SORL1: variants seen among roughly 807,000 people sequenced by gnomAD.
The protein encoded by SORL1 is sortilin related receptor 1.
In SORL1, 127 loss-of-function variants were observed where a neutral mutation model predicts 273.7. That is an observed-to-expected ratio of 0.46 (90% CI 0.40 to 0.54). SORL1 has a LOEUF of 0.54. Ranked by LOEUF, SORL1 falls within the 20% of genes least tolerant of loss-of-function variation. The pLI is 0.00. For missense variants in SORL1, 2,494 were observed against 2,846.1 expected (o/e 0.88, Z 2.81); for synonymous variants, 1,031 against 1,067.4 (o/e 0.97, Z 0.66).
chr11:121,593,603 G>A (rs1193761159), intron 31 of SORL1, among the ~76,000 whole-genome samples: 1 of 152,016 alleles, frequency 6.6e-6, no homozygotes, highest in Non-Finnish European at 1.5e-5. Flanking sequence ...CTTGTGTGTT[G>A]CTTTTTCTTG....
chr11:121,533,129 C>A (rs1310974407), intron 12 of SORL1, among the ~76,000 whole-genome samples: 1 of 151,982 alleles, frequency 6.6e-6, no homozygotes, highest in Non-Finnish European at 1.5e-5. Context: ...TGCTTTGTGT[C>A]TTTATTACAT....
At chr11:121,473,412 T>C (rs1254772145) in intron 2 of SORL1, among the ~76,000 whole-genome samples, 2 of 152,240 alleles carry the variant, frequency 1.3e-5, no homozygotes, top group African/African-American at 2.4e-5. Flanking sequence ...AGAGAACGGC[T>C]CCTGCAGGAC....
chr11:121,532,396 C>T, intron 11 of SORL1, 68 bp from the exon 12 acceptor site: 2 of 1,390,458 alleles, frequency 1.4e-6, no homozygotes, highest in Non-Finnish European at 2.0e-6. Context: ...TGCCTGTGGG[C>T]ATGTGTACAT....
intron 12 of SORL1, 32 bp from the exon 13 acceptor site, chr11:121,543,516 C>T: frequency 6.4e-7 from 1 of 1,566,166 alleles, no homozygotes; most frequent in Non-Finnish European, 8.8e-7. Flanking sequence ...GAGACTTTCA[C>T]TGCAAGGATT....
At chr11:121,478,819 C>T (rs1203502400) in intron 3 of SORL1, among the ~76,000 whole-genome samples, 12 of 148,844 alleles carry the variant, frequency 8.1e-5, no homozygotes, top group Non-Finnish European at 1.3e-4. Flanking sequence ...TGCTTGTGTG[C>T]GTGTAGTTAC....
At chr11:121,569,972 G>A (rs546063820) in intron 22 of SORL1, among the ~76,000 whole-genome samples, 185 bp from the exon 23 acceptor site, 38 of 152,110 alleles carry the variant, frequency 2.5e-4, no homozygotes, top group African/African-American at 8.9e-4. Context: ...TCTCAGACCG[G>A]CCGACACTTA....
At chr11:121,488,306 C>T in intron 4 of SORL1, 113 bp downstream of exon 4, 3 of 1,057,494 alleles carry the variant, frequency 2.8e-6, no homozygotes, top group Non-Finnish European at 4.2e-6. Flanking sequence ...CTCCTTCTCT[C>T]TTGGGCCTAG....
intron 3 of SORL1, among the ~76,000 whole-genome samples, chr11:121,486,760 C>T (rs939015952): frequency 1.3e-5 from 2 of 151,932 alleles, no homozygotes; most frequent in Non-Finnish European, 2.9e-5. Context: ...ATTACAGCCG[C>T]GAGCCACTGC....
Position 121,554,588 on chromosome 11 carries a change from A to G in SORL1, c.2439+479A>G, listed in dbSNP as rs1862550806. On this transcript the variant is annotated intron_variant, in intron 17 of 47. Transcript: ENST00000260197. This position sits in a 1 kb window ranked among gnomAD's most constrained non-coding sequence, Gnocchi z 4.6. ...GGTGGATAGCCATACGCTCACACCCATGCATTTAAAGGAGAGCTCTTTGAT... is the reference window on the plus strand; with the variant it reads ...GGTGGATAGCCATACGCTCACACCCGTGCATTTAAAGGAGAGCTCTTTGAT... Among the ~76,000 whole-genome samples the G allele has an allele frequency of 6.6e-6, 1 of 152,236 alleles. No homozygotes were observed. Among genetic ancestry groups the G allele is most frequent in the Admixed American group, 6.5e-5 (1 of 15,286 alleles).
Position 121,532,558 on chromosome 11 carries a change from T to A in SORL1, c.1685+6T>A. ...ATGGAAACCAACGAGCTAAAGTAAGTGTCTCTGATGAGGCCTTTTAACATC... is the reference window on the plus strand; with the variant it reads ...ATGGAAACCAACGAGCTAAAGTAAGAGTCTCTGATGAGGCCTTTTAACATC... On this transcript the variant is annotated splice_donor_region_variant and intron_variant, in intron 12 of 47. Coordinates refer to ENST00000260197, the MANE Select transcript of SORL1 (RefSeq NM_003105.6). 1 of 1,612,538 alleles carries A rather than the reference T, an allele frequency of 6.2e-7. No individual in the cohort carries two copies. Among genetic ancestry groups the A allele is most frequent in the Non-Finnish European group, 8.5e-7 (1 of 1,178,566 alleles).
chr11:121,614,613 A>G (rs1027281641), intron 40 of SORL1: 2 of 374,228 alleles, frequency 5.3e-6, no homozygotes, highest in Non-Finnish European at 9.5e-6. Flanking sequence ...AATGGCTTCC[A>G]GGAGCGTTGT....
intron 1 of SORL1, among the ~76,000 whole-genome samples, chr11:121,453,455 A>G (rs1390502696): frequency 2.6e-5 from 4 of 152,158 alleles, no homozygotes; most frequent in Admixed American, 6.5e-5. Context: ...AATTAATTTG[A>G]CCGTGTTATT....
Position 121,611,156 on chromosome 11 carries a change from A to T in SORL1, c.5320A>T (p.Lys1774Ter), listed in dbSNP as rs1320230181. ...SFTLTMESDI[K>*]VNGYVVNLFW... ...CACCCTGACCATGGAGAGTGATATC[A>T]AGGTAATGTGGGAATTTCAAGCCAG... The change falls in exon 39 of 48, where the codon AAG (lysine) becomes TAG (stop). Residue 1774 changes from lysine (K) to a stop codon, truncating the protein, a stop_gained and splice_region_variant. Coordinates refer to ENST00000260197, the MANE Select transcript of SORL1 (RefSeq NM_003105.6). LOFTEE classifies it high-confidence loss of function. 1 of 1,604,580 alleles carries T rather than the reference A, an allele frequency of 6.2e-7. No homozygotes were observed.
intron 24 of SORL1, among the ~76,000 whole-genome samples, chr11:121,575,385 G>C (rs970825017): frequency 6.6e-6 from 1 of 152,272 alleles, no homozygotes; most frequent in African/African-American, 2.4e-5. Context: ...TGAGAGGGAA[G>C]TGAGAGTGGA....
rs904077254 is a variant in SORL1 at position 121,622,335 on chromosome 11, T to C, written c.6171+67T>C. ...TGAAATGCTGTTTCAGAGATGAGCT[T>C]GTTGACAGCATGCTGGCATAGATAG... On this transcript the variant is annotated intron_variant, in intron 45 of 47. Transcript: ENST00000260197. 1.6e-5 allele frequency: 14 copies of C among 850,086 alleles called. No individual in the cohort carries two copies. In the African/African-American group the frequency reaches 2.4e-4, roughly 14 times the overall value. The allele number at this position is 850,086 out of a possible 1,614,324, so 52.7% of individuals were successfully genotyped here. A position where few individuals can be genotyped will look rare whatever the true frequency, so the allele number is the denominator to read the frequency against.
intron 34 of SORL1, 22 bp from the exon 35 acceptor site, chr11:121,605,380 T>C: frequency 6.2e-7 from 1 of 1,603,634 alleles, no homozygotes; most frequent in Non-Finnish European, 8.5e-7. Flanking sequence ...TGTGACAATA[T>C]CTTTATTTTT....
rs3758896 is a variant in SORL1, at chr11:121,456,624, T to G, written c.285+4008T>G. On this transcript the variant is annotated intron_variant, in intron 1 of 47. Coordinates refer to ENST00000260197, the MANE Select transcript of SORL1 (RefSeq NM_003105.6). The stretch of plus-strand genomic sequence containing the variant: ...TCAATGAAGAGCTTGGATTCTATTT[T>G]ACAGAATCCTCCCTTTTAGGGCTAT... Among the ~76,000 whole-genome samples the G allele has an allele frequency of 1.1e-4, 16 of 152,342 alleles. No homozygotes were observed. In the East Asian group the frequency reaches 3.1e-3, roughly 29 times the overall value.
At chr11:121,597,155 T>C in intron 32 of SORL1, among the ~76,000 whole-genome samples, 1 of 152,238 alleles carries the variant, frequency 6.6e-6, no homozygotes, top group East Asian at 1.9e-4. Context: ...AATACTGCTC[T>C]GTCCTAAATA....
chr11:121,575,484 C>A (rs1862914506), intron 24 of SORL1, among the ~76,000 whole-genome samples: 1 of 152,278 alleles, frequency 6.6e-6, no homozygotes, highest in African/African-American at 2.4e-5. Flanking sequence ...TCCAGCCACG[C>A]TGTGCTTACG....
Sources: gnomAD v4.1 joint callset for allele counts (sites outside exome capture counted in the v4.1 genomes callset) on GRCh38, gnomAD v4.1.1 for gene constraint, Gnocchi (gnomAD v3.1) non-coding constraint, MANE v1.5 for transcripts, NCBI Gene and HGNC (gene_info 2026-07-23, HGNC 2026-07-21) for gene names.